The following TUSC3 variants were observed in gnomAD, a reference collection of about 807,000 sequenced individuals.
The protein encoded by TUSC3 is tumor suppressor candidate 3, also known as dolichyl-diphosphooligosaccharide--protein glycosyltransferase subunit TUSC3.
Under a neutral mutation model 44.8 loss-of-function variants are expected in TUSC3, and 45 were observed. The ratio of observed to expected loss-of-function variants is 1.00; its 90% CI spans 0.79 to 1.29. The LOEUF (loss-of-function observed/expected upper bound fraction) is 1.29. Among genes scored for constraint, TUSC3 ranks in the 50% most tolerant of loss-of-function variants. The pLI, the probability that TUSC3 is intolerant of heterozygous loss-of-function variation, is 0.00. For missense variants in TUSC3, 519 were observed against 437.9 expected (o/e 1.19, Z -1.65); for synonymous variants, 212 against 152.9 (o/e 1.39, Z -2.85).
chr8:15,838,221 G>A, the TUSC3 span, among the ~76,000 whole-genome samples: 392 of 152,202 alleles, frequency 2.6e-3, 4 homozygotes, highest in Admixed American at 0.016. Flanking sequence ...TAGCACCTCC[G>A]GATATATCAT....
At chr8:15,446,427 G>A (rs1019751280) in intron 1 of TUSC3, among the ~76,000 whole-genome samples, 8 of 152,048 alleles carry the variant, frequency 5.3e-5, no homozygotes, top group African/African-American at 1.9e-4. Context: ...CTGCACTCCA[G>A]CCTGGGCAAC....
intron 1 of TUSC3, among the ~76,000 whole-genome samples, chr8:15,570,297 C>G (rs1365459528): frequency 6.6e-6 from 1 of 151,060 alleles, no homozygotes; most frequent in African/African-American, 2.5e-5. Context: ...CACACACACA[C>G]ACACACTCTT....
the TUSC3 span, among the ~76,000 whole-genome samples, chr8:15,824,686 C>G: frequency 6.6e-6 from 1 of 151,990 alleles, no homozygotes; most frequent in Non-Finnish European, 1.5e-5. Flanking sequence ...TGCAGCACAC[C>G]AACATGTACA....
At chr8:15,731,331 A>G (rs1810713167) in intron 7 of TUSC3, among the ~76,000 whole-genome samples, 1 of 152,148 alleles carries the variant, frequency 6.6e-6, no homozygotes, top group African/African-American at 2.4e-5. Context: ...AATGAAATAA[A>G]ATTAGTTTGG....
At chr8:15,531,784 T>C (rs558245078) in intron 2 of TUSC3, among the ~76,000 whole-genome samples, 1 of 152,370 alleles carries the variant, frequency 6.6e-6, no homozygotes, top group African/African-American at 2.4e-5. Context: ...CTCCATGTTT[T>C]CTCAATTATA....
At chr8:15,803,140 T>A in the TUSC3 span, among the ~76,000 whole-genome samples, 17,435 of 152,202 alleles carry the variant, frequency 0.11, 1,138 homozygotes, top group Middle Eastern at 0.23. Flanking sequence ...TCATAACCAG[T>A]GCACGAAGTG....
intron 2 of TUSC3, among the ~76,000 whole-genome samples, chr8:15,649,263 GGTGCA>G (rs1171681062): frequency 1.3e-5 from 2 of 152,034 alleles, no homozygotes; most frequent in Non-Finnish European, 1.5e-5. Context: ...GGTTCGGGAG[GGTGCA>G]GAAGTTTGGT....
the TUSC3 span, among the ~76,000 whole-genome samples, chr8:15,836,478 A>T: frequency 1.7e-4 from 1 of 5,956 alleles, no homozygotes; most frequent in African/African-American, 1.9e-4. Context: ...CTCCATCTCA[A>T]AAAAAAAAAA....
intron 6 of TUSC3, among the ~76,000 whole-genome samples, chr8:15,707,302 T>C (rs1809658239): frequency 1.3e-5 from 2 of 152,026 alleles, no homozygotes; most frequent in Non-Finnish European, 2.9e-5. Flanking sequence ...GGACTTTTGT[T>C]TCCTGTCCTG....
rs1491232177 is a variant in TUSC3 at position 15,573,230 on chromosome 8, A to ATATAT, written c.138+32662_138+32663insTATAT. Among the ~76,000 whole-genome samples the ATATAT allele has an allele frequency of 1.6e-3, 168 of 105,910 alleles. 1 individual carries two copies. Among genetic ancestry groups the ATATAT allele is most frequent in the African/African-American group, 5.3e-3 (137 of 25,732 alleles). The allele number at this position is 105,910 out of a possible 152,430, so 69.5% of individuals were successfully genotyped here. On this transcript the variant is annotated intron_variant, in intron 1 of 10. Transcript: ENST00000503731. ...TATATATATATATATATATATATAT[A>ATATAT]AAAGTTTTTTTTTTTTTGGGCATAC...
At chr8:15,761,528 C>T (rs1399384231) in intron 10 of TUSC3, among the ~76,000 whole-genome samples, 2 of 152,176 alleles carry the variant, frequency 1.3e-5, no homozygotes, top group African/African-American at 4.8e-5. Flanking sequence ...CTATTACTAT[C>T]TCAGTTACAG....
At position 15,511,955 on chromosome 8, in the gene TUSC3, A is replaced by T. The variant is rs559622951; in HGVS notation, n.189+28472A>T. Among the ~76,000 whole-genome samples, 6 of 152,320 alleles carry T rather than the reference A, an allele frequency of 3.9e-5. No individual in the cohort carries two copies. The South Asian group carries it at 1.2e-3, about 32-fold the overall frequency. ...ATCAATTGATCCTAAATTTATCTATAGATTCAATACAATCCCCATCCAAGT... is the reference window on the plus strand; with the variant it reads ...ATCAATTGATCCTAAATTTATCTATTGATTCAATACAATCCCCATCCAAGT... On this transcript the variant is annotated intron_variant and non_coding_transcript_variant, in intron 2 of 5. Transcript: ENST00000503191.
chr8:15,422,345 G>T (rs929738058), intron 1 of TUSC3, among the ~76,000 whole-genome samples: 4 of 152,124 alleles, frequency 2.6e-5, no homozygotes, highest in African/African-American at 9.6e-5. Context: ...ATACCACATG[G>T]TATCCATTTC....
chr8:15,425,958 G>C (rs980461822), intron 1 of TUSC3, among the ~76,000 whole-genome samples: 1 of 152,210 alleles, frequency 6.6e-6, no homozygotes, highest in African/African-American at 2.4e-5. Flanking sequence ...CAAGGCTGCA[G>C]TGAGCCATTA....
chr8:15,805,374 A>G, the TUSC3 span, among the ~76,000 whole-genome samples: 11 of 152,256 alleles, frequency 7.2e-5, no homozygotes, highest in East Asian at 1.5e-3. Context: ...TATGTTGAAT[A>G]AAAGTGGTTG....
intron 6 of TUSC3, among the ~76,000 whole-genome samples, chr8:15,692,596 T>A (rs536304972): frequency 3.2e-4 from 48 of 151,896 alleles, no homozygotes; most frequent in South Asian, 2.1e-3. Flanking sequence ...TTTCCAGGAA[T>A]TTATCTGTTT....
At chr8:15,803,145 G>A in the TUSC3 span, among the ~76,000 whole-genome samples, 6 of 152,222 alleles carry the variant, frequency 3.9e-5, no homozygotes, top group Non-Finnish European at 8.8e-5. Flanking sequence ...ACCAGTGCAC[G>A]AAGTGAACAG....
the TUSC3 span, among the ~76,000 whole-genome samples, chr8:15,812,275 CAG>C: frequency 1.3e-5 from 2 of 152,110 alleles, no homozygotes; most frequent in Non-Finnish European, 2.9e-5. Flanking sequence ...GAATCACAAA[CAG>C]AAAACATTTA....
chr8:15,685,142 C>T (rs935796504), intron 6 of TUSC3, among the ~76,000 whole-genome samples: 1 of 152,308 alleles, frequency 6.6e-6, no homozygotes, highest in East Asian at 1.9e-4. Context: ...CAAGTTTGAG[C>T]TGTGCTTCTG....
Sources: allele counts gnomAD v4.1 joint callset (sites outside exome capture counted in the v4.1 genomes callset), GRCh38; gene constraint gnomAD v4.1.1; transcripts MANE v1.5; gene names NCBI Gene and HGNC (gene_info 2026-07-23, HGNC 2026-07-21).